The following NUDT3 variants were observed in gnomAD, a reference collection of about 807,000 sequenced individuals.
The protein encoded by NUDT3 is diphosphoinositol polyphosphate phosphohydrolase 1.
A neutral mutation model predicts 23.6 loss-of-function variants in NUDT3; 9 were observed. The observed-to-expected ratio is 0.38, with a 90% CI of 0.23 to 0.66. The LOEUF is 0.66. Among genes scored for constraint, NUDT3 ranks in the 30% least tolerant of loss-of-function variants. The pLI, the probability that NUDT3 is intolerant of heterozygous loss-of-function variation, is 0.52. For missense variants in NUDT3, 172 were observed against 218.5 expected, an observed-to-expected ratio of 0.79 and a Z score of 1.34; for synonymous variants, 86 against 82.6, an observed-to-expected ratio of 1.04 and a Z score of -0.22.
At chr6:34,309,900 A>G (rs1763745178) in intron 2 of NUDT3, among the ~76,000 whole-genome samples, 1 of 152,172 alleles carries the variant, frequency 6.6e-6, no homozygotes, top group Non-Finnish European at 1.5e-5. Context: ...AGAAAAAACA[A>G]TCTCAATAAG....
intron 2 of NUDT3, among the ~76,000 whole-genome samples, chr6:34,333,425 C>T (rs1764159551): frequency 6.6e-6 from 1 of 152,170 alleles, no homozygotes; most frequent in African/African-American, 2.4e-5. Context: ...AAGAAACATA[C>T]ACTCAATGCA....
intron 2 of NUDT3, among the ~76,000 whole-genome samples, chr6:34,331,710 T>C (rs975850531): frequency 2.0e-5 from 3 of 152,216 alleles, no homozygotes; most frequent in South Asian, 2.1e-4. Context: ...TTCAACCAAC[T>C]GCAGATCAAG....
chr6:34,392,592 A>T lies in NUDT3; in HGVS notation c.-230T>A. 3.2e-6 allele frequency: 1 copy of T among 311,048 alleles called. No individual in the cohort carries two copies. Among genetic ancestry groups the T allele is most frequent in the Non-Finnish European group, 5.9e-6 (1 of 170,760 alleles). The allele number at this position is 311,048 out of a possible 1,614,324, so 19.3% of individuals were successfully genotyped here. A position where few individuals can be genotyped will look rare whatever the true frequency, so the allele number is the denominator to read the frequency against. The stretch of plus-strand genomic sequence containing the variant: ...CACGGCTGCCGTCTCCGCTGCCGCC[A>T]GGGCCGCCGCCCCCTCTGCCGCCGC... On this transcript the variant is annotated 5_prime_UTR_variant, in exon 1 of 5. Coordinates refer to ENST00000607016, the MANE Select transcript of NUDT3 (RefSeq NM_006703.4).
At position 34,371,358 on chromosome 6, in the gene NUDT3, C is replaced by T. The variant is rs184636187; in HGVS notation, c.99+20906G>A. Among the ~76,000 whole-genome samples the T allele has an allele frequency of 7.1e-4, 108 of 151,626 alleles. 1 individual carries two copies. The highest frequency in any genetic ancestry group is 1.8e-3 in the Admixed American group (28 of 15,188). ...TGGCGTGCCGGTAGTCCAAGCTACT[C>T]GGGAGGCTGAGGCAGGAGAATTGCT... is the stretch of plus-strand genomic sequence containing the variant. On this transcript the variant is annotated intron_variant, in intron 1 of 4. Transcript: ENST00000607016.
intron 1 of NUDT3, among the ~76,000 whole-genome samples, chr6:34,353,175 T>C (rs769863642): frequency 6.6e-6 from 1 of 152,204 alleles, no homozygotes; most frequent in Non-Finnish European, 1.5e-5. Context: ...TCAACCCCAA[T>C]AGTAACCCAT....
chr6:34,341,439 T>TC (rs1360995693), intron 2 of NUDT3, among the ~76,000 whole-genome samples: 1 of 152,140 alleles, frequency 6.6e-6, no homozygotes, highest in Non-Finnish European at 1.5e-5. Flanking sequence ...ACATAATCAC[T>TC]CCTTTAGCCA....
chr6:34,387,837 GTTAAT>G (rs1031765591), intron 1 of NUDT3, among the ~76,000 whole-genome samples: 3 of 152,030 alleles, frequency 2.0e-5, no homozygotes, highest in Non-Finnish European at 4.4e-5. Flanking sequence ...GTAAGCTAAG[GTTAAT>G]TTATTATCGA....
intron 1 of NUDT3, among the ~76,000 whole-genome samples, chr6:34,391,780 C>T (rs528597836): frequency 1.6e-4 from 24 of 149,584 alleles, no homozygotes; most frequent in African/African-American, 5.9e-4. Flanking sequence ...GGCTCACAGA[C>T]ATATAATCCC....
chr6:34,383,288 G>T (rs887806119), intron 1 of NUDT3, among the ~76,000 whole-genome samples: 1 of 152,092 alleles, frequency 6.6e-6, no homozygotes, highest in Non-Finnish European at 1.5e-5. Context: ...CCGAAGAAAA[G>T]ATTTTCTAAG....
chr6:34,389,138 C>A (rs775483826), intron 1 of NUDT3, among the ~76,000 whole-genome samples: 1 of 152,166 alleles, frequency 6.6e-6, no homozygotes, highest in Admixed American at 6.5e-5. Context: ...AATCTCATCT[C>A]GATTTGTAAT....
At chr6:34,303,157 G>A (rs1443923569) in intron 2 of NUDT3, among the ~76,000 whole-genome samples, 1 of 147,222 alleles carries the variant, frequency 6.8e-6, no homozygotes, top group Non-Finnish European at 1.5e-5. Context: ...TCGGCCTCCT[G>A]AGTAACGCGG....
intron 2 of NUDT3, among the ~76,000 whole-genome samples, chr6:34,333,910 CAG>C (rs1764166568): frequency 6.6e-6 from 1 of 152,236 alleles, no homozygotes; most frequent in Non-Finnish European, 1.5e-5. Flanking sequence ...AGGCTGAATA[CAG>C]AGTCAACAGA....
intron 1 of NUDT3, among the ~76,000 whole-genome samples, chr6:34,376,977 T>C (rs1186335081): frequency 6.6e-6 from 1 of 152,154 alleles, no homozygotes; most frequent in Non-Finnish European, 1.5e-5. Flanking sequence ...CCCTCAATCA[T>C]GCTGGGTCTC....
intron 2 of NUDT3, among the ~76,000 whole-genome samples, chr6:34,330,802 A>C (rs554146569): frequency 2.0e-5 from 3 of 152,348 alleles, no homozygotes; most frequent in Admixed American, 2.0e-4. Context: ...CTCTGTCTCC[A>C]AAAAGAAAAA....
At position 34,287,863 on chromosome 6, in the gene NUDT3, T is replaced by TG. The variant is rs1430902045; in HGVS notation, c.*889dup. ...CCCAAGAATCCAGTTCCAACTCTAC[T>TG]GTCAACATGTGGGGCAGAATTCAAT... is the stretch of plus-strand genomic sequence containing the variant. On this transcript the variant is annotated 3_prime_UTR_variant, in exon 5 of 5. Coordinates refer to ENST00000607016, the MANE Select transcript of NUDT3 (RefSeq NM_006703.4). 3.9e-5 allele frequency: 6 copies of TG among 152,218 alleles called. No homozygotes were observed. Among genetic ancestry groups the TG allele is most frequent in the African/African-American group, 1.2e-4 (5 of 41,442 alleles). The allele number at this position is 152,218 out of a possible 1,614,324, so 9.4% of individuals were successfully genotyped here.
intron 1 of NUDT3, among the ~76,000 whole-genome samples, chr6:34,359,016 A>T (rs1432663244): frequency 1.3e-5 from 2 of 152,334 alleles, no homozygotes; most frequent in East Asian, 3.9e-4. Context: ...ACATTTACTC[A>T]ATTTAGGAAG....
At chr6:34,389,260 G>T (rs185064788) in intron 1 of NUDT3, among the ~76,000 whole-genome samples, 102 of 152,292 alleles carry the variant, frequency 6.7e-4, no homozygotes, top group Middle Eastern at 6.8e-3. Flanking sequence ...GAATGCTCAC[G>T]AAATCCAATG....
intron 1 of NUDT3, among the ~76,000 whole-genome samples, chr6:34,348,816 G>C (rs1764423116): frequency 6.6e-6 from 1 of 151,050 alleles, no homozygotes; most frequent in Admixed American, 6.6e-5. Flanking sequence ...AGTCAGACTT[G>C]GGGAGTAGGG....
intron 4 of NUDT3, among the ~76,000 whole-genome samples, chr6:34,290,797 T>G (rs1262298519): frequency 2.7e-5 from 4 of 149,580 alleles, no homozygotes; most frequent in Non-Finnish European, 5.9e-5. Context: ...CTGTGATTAT[T>G]ATTATTATTA....
Sources: gnomAD v4.1 joint callset for allele counts (sites outside exome capture counted in the v4.1 genomes callset) on GRCh38, gnomAD v4.1.1 for gene constraint, MANE v1.5 for transcripts, NCBI Gene and HGNC (gene_info 2026-07-23, HGNC 2026-07-21) for gene names.